MACROD2: variants seen among roughly 807,000 people sequenced by gnomAD.
MACROD2 encodes ADP-ribose glycohydrolase MACROD2.
Under a neutral mutation model 70.4 loss-of-function variants are expected in MACROD2, and 36 were observed. The observed-to-expected ratio is 0.51, with a 90% CI of 0.39 to 0.68. The LOEUF (loss-of-function observed/expected upper bound fraction) is 0.68, where lower values mean the gene tolerates loss of function less well. MACROD2 is among the 30% of genes least tolerant of loss of function. MACROD2 has a pLI of 0.00. For synonymous variants in MACROD2, 172 were observed against 178.8 expected, an observed-to-expected ratio of 0.96 and a Z score of 0.30; for missense variants, 496 against 538.4, an observed-to-expected ratio of 0.92 and a Z score of 0.78.
intron 5 of MACROD2, among the ~76,000 whole-genome samples, chr20:14,946,358 T>C: frequency 6.6e-6 from 1 of 152,154 alleles, no homozygotes; most frequent in South Asian, 2.1e-4. Context: ...TGTATCTAAA[T>C]ACCAATAATA....
chr20:15,616,024 A>T lies in MACROD2; in HGVS notation c.645+116177A>T, dbSNP rs1036109083. 8.5e-5 allele frequency among the ~76,000 whole-genome samples: 13 copies of T among 152,160 alleles called. No individual in the cohort carries two copies. In the East Asian group the frequency reaches 2.5e-3, roughly 29 times the overall value. On this transcript the variant is annotated intron_variant, in intron 8 of 17. Coordinates refer to ENST00000684519, the MANE Select transcript of MACROD2 (RefSeq NM_001351661.2). ...TGGAAAGCTGGTATTTGTTATGAGT[A>T]AAAGTGAGGGCAGCCTCCTAGGTAT... is the stretch of plus-strand genomic sequence containing the variant.
chr20:15,206,370 A>G (rs1252486370), intron 5 of MACROD2, among the ~76,000 whole-genome samples: 2 of 152,144 alleles, frequency 1.3e-5, no homozygotes, highest in Admixed American at 1.3e-4. Flanking sequence ...ACATGGAGCT[A>G]TTGCTTATTC....
At chr20:15,021,290 GTGTGTATATGCACA>G (rs2075180692) in intron 5 of MACROD2, among the ~76,000 whole-genome samples, 1 of 136,840 alleles carries the variant, frequency 7.3e-6, no homozygotes. Context: ...ACACCTGTGT[GTGTGTATATGCACA>G]TATACATATA....
chr20:14,711,881 T>C (rs1218815940), intron 5 of MACROD2, among the ~76,000 whole-genome samples: 1 of 152,224 alleles, frequency 6.6e-6, no homozygotes, highest in African/African-American at 2.4e-5. Context: ...TGTTTCTTTT[T>C]CATTCTAATA....
intron 3 of MACROD2, among the ~76,000 whole-genome samples, chr20:14,430,664 C>T (rs149898967): frequency 2.0e-5 from 3 of 152,106 alleles, no homozygotes; most frequent in African/African-American, 7.2e-5. Flanking sequence ...CTTTCTTTTT[C>T]AGTATGAGAA....
chr20:14,399,487 A>C (rs2083615395), intron 3 of MACROD2, among the ~76,000 whole-genome samples: 1 of 151,978 alleles, frequency 6.6e-6, no homozygotes, highest in African/African-American at 2.4e-5. Flanking sequence ...CTCTCTAGCT[A>C]CGTTTAATTT....
intron 3 of MACROD2, among the ~76,000 whole-genome samples, chr20:14,383,422 G>C (rs192898325): frequency 5.1e-4 from 78 of 152,186 alleles, no homozygotes; most frequent in Non-Finnish European, 8.4e-4. Flanking sequence ...TGAATAAAAT[G>C]ATAATGTAGA....
At chr20:14,215,335 T>TACACACACACAC (rs1310041778) in intron 3 of MACROD2, among the ~76,000 whole-genome samples, 6 of 101,728 alleles carry the variant, frequency 5.9e-5, no homozygotes, top group South Asian at 3.4e-4. Flanking sequence ...TGCCATCATA[T>TACACACACACAC]ATACACACAC....
Position 15,772,095 on chromosome 20 carries a change from A to ATATAT in MACROD2, c.646-90650_646-90649insTATAT, listed in dbSNP as rs1262093098. The stretch of plus-strand genomic sequence containing the variant: ...GTGAGACTCGGTCTCAAAAAAAAAA[A>ATATAT]AAAAAAATATATATATATATATATA... On this transcript the variant is annotated intron_variant, in intron 8 of 17. Transcript: ENST00000684519. Among the ~76,000 whole-genome samples the ATATAT allele has an allele frequency of 4.2e-5, 4 of 94,296 alleles. No individual in the cohort carries two copies. The South Asian group carries it at 1.4e-3, about 33-fold the overall frequency. The allele number at this position is 94,296 out of a possible 152,430, so 61.9% of individuals were successfully genotyped here.
chr20:16,002,732 C>T (rs190414705), intron 15 of MACROD2, among the ~76,000 whole-genome samples: 39 of 152,166 alleles, frequency 2.6e-4, no homozygotes, highest in Non-Finnish European at 4.6e-4. Context: ...GACATCTGGC[C>T]TCCAGAACTG....
Position 14,459,727 on chromosome 20 carries a change from T to A in MACROD2, c.272-33752T>A, listed in dbSNP as rs563170112. Among the ~76,000 whole-genome samples, 6 of 152,210 alleles carry A rather than the reference T, an allele frequency of 3.9e-5. No individual in the cohort carries two copies. In the East Asian group the frequency reaches 1.2e-3, roughly 29 times the overall value. On this transcript the variant is annotated intron_variant, in intron 3 of 17. Transcript: ENST00000684519. ...TATTATTTCATGGATCTGTTTCTGATAGATTTGTTAAATTATACTTTAAGT... is the reference window on the plus strand; with the variant it reads ...TATTATTTCATGGATCTGTTTCTGAAAGATTTGTTAAATTATACTTTAAGT...
At chr20:16,019,566 C>A (rs1451968570) in intron 15 of MACROD2, among the ~76,000 whole-genome samples, 2 of 152,158 alleles carry the variant, frequency 1.3e-5, no homozygotes, top group Non-Finnish European at 2.9e-5. Context: ...AGGGACTACT[C>A]CACACAGTTA....
Position 14,057,816 on chromosome 20 carries a change from A to G in MACROD2, c.164-27805A>G, listed in dbSNP as rs541108958. Among the ~76,000 whole-genome samples, 44 of 152,322 alleles carry G rather than the reference A, an allele frequency of 2.9e-4. 1 individual carries two copies. Among genetic ancestry groups the G allele is most frequent in the African/African-American group, 1.0e-3 (43 of 41,554 alleles). Reference sequence around the variant, plus strand: ...AAACAGATTATGGTAGATTTAATTCAGTGCTGTATAGTAATGCGTACAGCA... The same window carrying G: ...AAACAGATTATGGTAGATTTAATTCGGTGCTGTATAGTAATGCGTACAGCA... On this transcript the variant is annotated intron_variant, in intron 2 of 17. Coordinates refer to ENST00000684519, the MANE Select transcript of MACROD2 (RefSeq NM_001351661.2).
rs531350129 is a variant in MACROD2, at chr20:14,176,303, C to G, written c.271+90575C>G. On this transcript the variant is annotated intron_variant, in intron 3 of 17. Transcript: ENST00000684519. ...ATTAAAATTCATAAAACACATGTAA[C>G]AGATGGCATAAGTGTTTGAACTAAA... Among the ~76,000 whole-genome samples, 25 of 152,302 alleles carry G rather than the reference C, an allele frequency of 1.6e-4. No individual in the cohort carries two copies. In the East Asian group the frequency reaches 4.8e-3, roughly 29 times the overall value.
At chr20:15,311,654 G>T (rs6079741) in intron 6 of MACROD2, among the ~76,000 whole-genome samples, 5,759 of 152,306 alleles carry the variant, frequency 0.038, 141 homozygotes, top group South Asian at 0.099. Context: ...GGAGCTGGAG[G>T]TGATTATCCT....
chr20:15,649,207 CTTCTTTCTTTCTTTCTTTCTTTCT>C (rs146662837), intron 8 of MACROD2, among the ~76,000 whole-genome samples: 59 of 137,770 alleles, frequency 4.3e-4, no homozygotes, highest in Non-Finnish European at 6.0e-4. Context: ...TCTTTCTTTC[CTTCTTTCTTTCTTTCTTTCTTTCT>C]TTCTTTCTTT....
At chr20:15,528,129 C>T (rs1233715) in intron 8 of MACROD2, among the ~76,000 whole-genome samples, 46,764 of 149,244 alleles carry the variant, frequency 0.31, 9,837 homozygotes, top group African/African-American at 0.6. Context: ...TATTTGGCAA[C>T]GTCTGGACAC....
At chr20:15,263,077 G>T (rs1458524705) in intron 6 of MACROD2, among the ~76,000 whole-genome samples, 3 of 152,028 alleles carry the variant, frequency 2.0e-5, no homozygotes, top group Admixed American at 6.6e-5. Flanking sequence ...TGCTTTGGTT[G>T]TCTGTGCTTG....
rs112394605 is a variant in MACROD2, at chr20:14,831,250, A to C, written c.418+146291A>C. On this transcript the variant is annotated intron_variant, in intron 5 of 17. Transcript: ENST00000684519. Reference sequence around the variant, plus strand: ...TCCTACCTGTGGCGCAGTGGCTGACACACATATATCTGCACTGCCTTTTGT... The same window carrying C: ...TCCTACCTGTGGCGCAGTGGCTGACCCACATATATCTGCACTGCCTTTTGT... Among the ~76,000 whole-genome samples, 1,244 of 152,254 alleles carry C rather than the reference A, an allele frequency of 8.2e-3. 25 individuals carry two copies. Among genetic ancestry groups the C allele is most frequent in the African/African-American group, 0.027 (1,128 of 41,550 alleles).
Sources: gnomAD v4.1 joint callset for allele counts (sites outside exome capture counted in the v4.1 genomes callset) on GRCh38, gnomAD v4.1.1 for gene constraint, MANE v1.5 for transcripts, NCBI Gene and HGNC (gene_info 2026-07-23, HGNC 2026-07-21) for gene names.